Variants in NCAPD3 observed in about 807,000 individuals in gnomAD.
NCAPD3 encodes the protein condensin-2 complex subunit D3.
A neutral mutation model predicts 182.9 loss-of-function variants in NCAPD3; 105 were observed. The ratio of observed to expected loss-of-function variants is 0.57; its 90% CI spans 0.49 to 0.68. The LOEUF is 0.68. Ranked by LOEUF, NCAPD3 falls within the 30% of genes least tolerant of loss-of-function variation. The pLI is 0.00. For missense variants in NCAPD3, 1,944 were observed against 1,837.0 expected, an observed-to-expected ratio of 1.06 and a Z score of -1.07; for synonymous variants, 815 against 679.9, an observed-to-expected ratio of 1.20 and a Z score of -3.09.
rs2136029337 is a variant in NCAPD3 at position 134,217,058 on chromosome 11, C to G, written c.260G>C (p.Ser87Thr). ...TFFIENNVSH[S>T]TLVALFYHFV... ...ATGATAGAACAATGCCACCAGTGTA[C>G]TATGGGAAACATTGTTCTCAATGAA... Residue 87 changes from serine (S) to threonine (T), a missense_variant, in exon 3 of 35, where the codon AGT becomes ACT. By Grantham distance (58) the Ser-to-Thr change is moderately conservative. This residue lies in a region of NCAPD3 where 131 missense variants were observed against 133.9 expected (regional missense o/e 0.98). Transcript: ENST00000534548. 6.2e-7 allele frequency: 1 copy of G among 1,613,548 alleles called. No homozygotes were observed. Among genetic ancestry groups the G allele is most frequent in the Non-Finnish European group, 8.5e-7 (1 of 1,179,776 alleles).
Position 134,192,718 on chromosome 11 carries a change from A to G in NCAPD3, c.2016T>C (p.Thr672=). 6.2e-7 allele frequency: 1 copy of G among 1,614,206 alleles called. No individual in the cohort carries two copies. Among genetic ancestry groups the G allele is most frequent in the South Asian group, 1.1e-5 (1 of 91,078 alleles). ...DSQVLAWALL[T]LLTTESQELS... ...GTTCCTGGCTTTCGGTGGTGAGGAG[A>G]GTAAGAAGCGCCCAGGCGAGGACCT... The change falls in exon 16 of 35, where the codon ACT becomes ACC. Residue 672 remains threonine (T), a synonymous_variant. Coordinates refer to ENST00000534548, the MANE Select transcript of NCAPD3 (RefSeq NM_015261.3).
chr11:134,224,106 G>T, upstream of NCAPD3: 1 of 730,768 alleles, frequency 1.4e-6, no homozygotes, highest in Non-Finnish European at 2.2e-6. Flanking sequence ...CACGCTCAGA[G>T]AACTGGGCGG....
At chr11:134,225,307 A>G (rs1591874499), upstream of NCAPD3, 1 of 1,613,984 alleles carries the variant, frequency 6.2e-7, no homozygotes, top group Non-Finnish European at 8.5e-7. Flanking sequence ...AAGCGGCTGG[A>G]GCACCAGGGC....
At chr11:134,173,561 C>T (rs1944073418) in intron 24 of NCAPD3, 1 of 153,042 alleles carries the variant, frequency 6.5e-6, no homozygotes, top group Non-Finnish European at 1.5e-5. Context: ...CCCACTGCCA[C>T]CTGGCCTAGC....
At chr11:134,187,454 G>A (rs937207829) in intron 16 of NCAPD3, among the ~76,000 whole-genome samples, 4 of 152,128 alleles carry the variant, frequency 2.6e-5, no homozygotes, top group African/African-American at 9.7e-5. Context: ...CACTCCCTCT[G>A]TCCTCAACCT....
At chr11:134,177,558 A>G (rs1365490492) in intron 22 of NCAPD3, 101 bp from the exon 23 acceptor site, 3 of 1,040,362 alleles carry the variant, frequency 2.9e-6, no homozygotes, top group East Asian at 2.5e-5. Context: ...CTATTTCATC[A>G]AAGTTAAAAC....
At chr11:134,180,770 C>T (rs1488075268) in intron 20 of NCAPD3, among the ~76,000 whole-genome samples, 1 of 152,204 alleles carries the variant, frequency 6.6e-6, no homozygotes, top group Non-Finnish European at 1.5e-5. Context: ...TCTTACCTTA[C>T]ATTTCTAAGC....
intron 13 of NCAPD3, among the ~76,000 whole-genome samples, chr11:134,199,290 A>G (rs1944699139): frequency 6.6e-6 from 1 of 152,178 alleles, no homozygotes; most frequent in Non-Finnish European, 1.5e-5. Context: ...GCAGCAGCAA[A>G]CAGAGAAAAA....
chr11:134,220,615 T>G lies in NCAPD3; in HGVS notation c.176A>C (p.Glu59Ala). The change falls in exon 2 of 35, where the codon GAA (glutamate) becomes GCA (alanine). Residue 59 changes from glutamate (E) to alanine (A), a missense_variant. Glu to Ala is a moderately radical substitution (Grantham distance 107, BLOSUM62 -1). This residue lies in a region of NCAPD3 where 131 missense variants were observed against 133.9 expected (regional missense o/e 0.98). Coordinates refer to ENST00000534548, the MANE Select transcript of NCAPD3 (RefSeq NM_015261.3). Reference sequence around the variant, plus strand: ...TCCAGTAGCAAAGGGTAAAAGGCTTTCATAGAGTTTTGTGAATGCAGCCAA... The same window carrying G: ...TCCAGTAGCAAAGGGTAAAAGGCTTGCATAGAGTTTTGTGAATGCAGCCAA... ...TGLAAFTKLY[E>A]SLLPFATGEH... 2 of 1,614,146 alleles carry G rather than the reference T, an allele frequency of 1.2e-6. No individual in the cohort carries two copies. Among genetic ancestry groups the G allele is most frequent in the South Asian group, 2.2e-5 (2 of 91,088 alleles).
chr11:134,154,902 T>G lies in NCAPD3; in HGVS notation c.4253-1539A>C, dbSNP rs76533258. On this transcript the variant is annotated intron_variant, in intron 32 of 34. Coordinates refer to ENST00000534548, the MANE Select transcript of NCAPD3 (RefSeq NM_015261.3). ...ACGATGGTAGAGAATTCCTCATCAC[T>G]GCTAGATCTGCTTATTCTGTTTCGG... Among the ~76,000 whole-genome samples, 1,191 of 152,350 alleles carry G rather than the reference T, an allele frequency of 7.8e-3. 10 individuals are homozygous for G. Among genetic ancestry groups the G allele is most frequent in the Non-Finnish European group, 0.01 (705 of 68,030 alleles).
At chr11:134,212,363 C>CT (rs1462021563) in intron 3 of NCAPD3, among the ~76,000 whole-genome samples, 5 of 123,026 alleles carry the variant, frequency 4.1e-5, no homozygotes, top group African/African-American at 1.8e-4. Context: ...GGAAAATATA[C>CT]TTTTTGTTGT....
At chr11:134,222,253 GGATGGAA>G (rs1938258532) in intron 1 of NCAPD3, among the ~76,000 whole-genome samples, 1 of 152,128 alleles carries the variant, frequency 6.6e-6, no homozygotes, top group Admixed American at 6.5e-5. Context: ...ACTTCACTTA[GGATGGAA>G]GAAGAGGAAG....
chr11:134,165,323 T>C (rs966811316), intron 27 of NCAPD3, among the ~76,000 whole-genome samples: 1 of 150,684 alleles, frequency 6.6e-6, no homozygotes, highest in African/African-American at 2.5e-5. Context: ...ACTTGTGACA[T>C]GAGCTTAAGT....
At chr11:134,211,333 ACACT>A (rs1365855593) in intron 3 of NCAPD3, among the ~76,000 whole-genome samples, 1 of 152,214 alleles carries the variant, frequency 6.6e-6, no homozygotes, top group Admixed American at 6.5e-5. Flanking sequence ...CAAAATCCAG[ACACT>A]CAACAACATT....
chr11:134,215,737 T>C (rs1565558619), intron 3 of NCAPD3, among the ~76,000 whole-genome samples: 1 of 152,212 alleles, frequency 6.6e-6, no homozygotes, highest in African/African-American at 2.4e-5. Context: ...ATCTACAGTT[T>C]CAATGCAATC....
intron 24 of NCAPD3, among the ~76,000 whole-genome samples, chr11:134,175,191 C>T (rs1362276312): frequency 6.6e-6 from 1 of 152,174 alleles, no homozygotes; most frequent in Non-Finnish European, 1.5e-5. Context: ...TAGGGGCTAA[C>T]AACAGCGGGG....
intron 26 of NCAPD3, 36 bp downstream of exon 26, chr11:134,168,433 A>AAC: frequency 6.2e-7 from 1 of 1,611,328 alleles, no homozygotes. Context: ...TTCATTTGCA[A>AAC]ACACACACAT....
intron 24 of NCAPD3, chr11:134,173,720 GCA>G (rs1443578311): frequency 6.5e-6 from 1 of 152,912 alleles, no homozygotes; most frequent in African/African-American, 2.4e-5. Flanking sequence ...TTCCCACCCC[GCA>G]CAGAGACCCC....
intron 27 of NCAPD3, among the ~76,000 whole-genome samples, chr11:134,164,551 T>A (rs1434234668): frequency 6.6e-6 from 1 of 152,226 alleles, no homozygotes; most frequent in African/African-American, 2.4e-5. Flanking sequence ...GACACTCACT[T>A]GTGAAATGAG....
Sources: allele counts gnomAD v4.1 joint callset (sites outside exome capture counted in the v4.1 genomes callset), GRCh38; gene constraint gnomAD v4.1.1; regional missense constraint gnomAD v4.1.1; transcripts MANE v1.5; gene names NCBI Gene and HGNC (gene_info 2026-07-23, HGNC 2026-07-21).